CAGE1: variants seen among roughly 807,000 people sequenced by gnomAD.
The protein encoded by CAGE1 is cancer antigen 1.
Under a neutral mutation model 94.9 loss-of-function variants are expected in CAGE1, and 66 were observed. The ratio of observed to expected loss-of-function variants is 0.70; its 90% CI spans 0.57 to 0.85. The LOEUF is 0.85. Among genes scored for constraint, CAGE1 ranks in the 40% least tolerant of loss-of-function variants. The pLI is 0.00. For missense variants in CAGE1, 865 were observed against 950.4 expected (o/e 0.91, Z 1.18); for synonymous variants, 319 against 321.0 (o/e 0.99, Z 0.07).
intron 3 of CAGE1, among the ~76,000 whole-genome samples, chr6:7,380,506 G>T (rs1760896160): frequency 6.6e-6 from 1 of 151,932 alleles, no homozygotes; most frequent in Non-Finnish European, 1.5e-5. Flanking sequence ...GCGTGGTGGT[G>T]CACATCTGTA....
Position 7,326,776 on chromosome 6 carries a change from G to T in CAGE1, c.*82C>A. ...CAGATTTTAATATATCATCTGCATG[G>T]ATTGATTTGGCTAGCATATGTAGTA... On this transcript the variant is annotated 3_prime_UTR_variant, in exon 14 of 14. Transcript: ENST00000502583. 1.1e-6 allele frequency: 1 copy of T among 938,218 alleles called. No homozygotes were observed. Among genetic ancestry groups the T allele is most frequent in the East Asian group, 2.4e-5 (1 of 41,632 alleles). The allele number at this position is 938,218 out of a possible 1,614,324, so 58.1% of individuals were successfully genotyped here. A position where few individuals can be genotyped will look rare whatever the true frequency, so the allele number is the denominator to read the frequency against.
At position 7,326,784 on chromosome 6, in the gene CAGE1, T is replaced by A. The variant is rs1396703461; in HGVS notation, c.*74A>T. ...AATATATCATCTGCATGGATTGATT[T>A]GGCTAGCATATGTAGTAATGACTCT... On this transcript the variant is annotated 3_prime_UTR_variant, in exon 14 of 14. Transcript: ENST00000502583. The A allele has an allele frequency of 1.0e-6, 1 of 1,003,104 alleles. No individual in the cohort carries two copies. The highest frequency in any genetic ancestry group is 1.6e-6 in the Non-Finnish European group (1 of 628,920). 62.1% of individuals were successfully genotyped at this position (1,003,104 alleles called of 1,614,324 possible).
chr6:7,349,261 T>C (rs1759680341), intron 11 of CAGE1, among the ~76,000 whole-genome samples: 2 of 152,150 alleles, frequency 1.3e-5, no homozygotes, highest in African/African-American at 4.8e-5. Context: ...ATCTTCAGCC[T>C]CCTCAACCAA....
intron 11 of CAGE1, among the ~76,000 whole-genome samples, chr6:7,338,087 T>A (rs1486074518): frequency 1.3e-5 from 2 of 152,214 alleles, no homozygotes; most frequent in Non-Finnish European, 2.9e-5. Context: ...CTATCAGAAA[T>A]GTTTCTTAAT....
chr6:7,334,762 G>GA (rs1363713215), intron 11 of CAGE1, among the ~76,000 whole-genome samples: 24 of 120,242 alleles, frequency 2.0e-4, no homozygotes, highest in African/African-American at 6.5e-4. Flanking sequence ...GAAAATAAAA[G>GA]AAAAAAACCA....
rs533764628 is a variant in CAGE1 at position 7,363,769 on chromosome 6, C to T, written c.2193+1699G>A. Among the ~76,000 whole-genome samples, 4 of 152,280 alleles carry T rather than the reference C, an allele frequency of 2.6e-5. No individual in the cohort carries two copies. The East Asian group carries it at 7.7e-4, about 29-fold the overall frequency. On this transcript the variant is annotated intron_variant, in intron 9 of 13. Coordinates refer to ENST00000502583, the MANE Select transcript of CAGE1 (RefSeq NM_001170692.2). ...TGGGGTTGAGATTTATCGGTGTGTT[C>T]AAGTATTGGTCAATATGACTCATTC... is the stretch of plus-strand genomic sequence containing the variant.
chr6:7,334,315 AC>A (rs1269294502), intron 11 of CAGE1, among the ~76,000 whole-genome samples: 2 of 152,212 alleles, frequency 1.3e-5, no homozygotes, highest in Non-Finnish European at 2.9e-5. Flanking sequence ...AGGAAAGTAG[AC>A]AGTAGCAAAT....
At chr6:7,368,932 G>T in intron 6 of CAGE1, 134 bp from the exon 7 acceptor site, 1 of 569,670 alleles carries the variant, frequency 1.8e-6, no homozygotes, top group Non-Finnish European at 3.1e-6. Flanking sequence ...AAATCATATT[G>T]AACTCCATTC....
At chr6:7,342,135 ATCAC>A in intron 11 of CAGE1, 1 of 1,011,326 alleles carries the variant, frequency 9.9e-7, no homozygotes, top group Non-Finnish European at 1.6e-6. Context: ...CAGCTTCACA[ATCAC>A]TCAGTTGGGG....
chr6:7,328,674 T>A (rs974516312), intron 13 of CAGE1, among the ~76,000 whole-genome samples: 2 of 152,058 alleles, frequency 1.3e-5, no homozygotes, highest in African/African-American at 2.4e-5. Flanking sequence ...AAGGAATAAG[T>A]CCCAGTGTTC....
intron 11 of CAGE1, chr6:7,347,588 G>C (rs1210344358): frequency 1.1e-4 from 17 of 152,056 alleles, no homozygotes; most frequent in Admixed American, 1.1e-3. Flanking sequence ...ACGTGGGGGA[G>C]GGTGGGAAAT....
At chr6:7,364,298 C>T (rs1760255242) in intron 9 of CAGE1, among the ~76,000 whole-genome samples, 1 of 152,172 alleles carries the variant, frequency 6.6e-6, no homozygotes, top group Non-Finnish European at 1.5e-5. Flanking sequence ...AGCCATTGTA[C>T]CTCTTCTCTA....
rs747878969 is a variant in CAGE1, at chr6:7,374,107, G to C, written c.712C>G (p.Gln238Glu). ...ATCTCAGGAATCTCCCCATAATTCT[G>C]TATTTCTTTTGAAGGAACTGCAGTC... is the stretch of plus-strand genomic sequence containing the variant. ...CKTAVPSKEIQNYGEIPEMSV... is the reference protein window; with the variant it reads ...CKTAVPSKEIENYGEIPEMSV... Residue 238 changes from glutamine (Q) to glutamate (E), a missense_variant, in exon 5 of 14, where the codon CAG becomes GAG. By Grantham distance (29) the Gln-to-Glu change is conservative. Coordinates refer to ENST00000502583, the MANE Select transcript of CAGE1 (RefSeq NM_001170692.2). The C allele has an allele frequency of 2.5e-6, 4 of 1,612,558 alleles. No homozygotes were observed. The highest frequency in any genetic ancestry group is 3.4e-6 in the Non-Finnish European group (4 of 1,179,030).
At chr6:7,344,026 T>C (rs924709297) in intron 11 of CAGE1, among the ~76,000 whole-genome samples, 1 of 152,228 alleles carries the variant, frequency 6.6e-6, no homozygotes, top group African/African-American at 2.4e-5. Context: ...ACTTAAGTGT[T>C]AGAAAGTGGT....
At chr6:7,356,980 C>T (rs1008935303) in intron 9 of CAGE1, among the ~76,000 whole-genome samples, 7 of 151,664 alleles carry the variant, frequency 4.6e-5, no homozygotes, top group African/African-American at 1.7e-4. Flanking sequence ...TATTTTTAGT[C>T]GAGATGGGGT....
chr6:7,329,865 G>A lies in CAGE1; in HGVS notation c.2462C>T (p.Pro821Leu), dbSNP rs142647100. The A allele has an allele frequency of 4.4e-5, 64 of 1,458,374 alleles. 1 individual carries two copies. The highest frequency in any genetic ancestry group is 3.7e-4 in the Admixed American group (20 of 54,524). The allele number at this position is 1,458,374 out of a possible 1,614,324, so 90.3% of individuals were successfully genotyped here. The change falls in exon 13 of 14, where the codon CCG becomes CTG. Residue 821 changes from proline (P) to leucine (L), a missense_variant. By Grantham distance (98) the Pro-to-Leu change is moderately conservative. Coordinates refer to ENST00000502583, the MANE Select transcript of CAGE1 (RefSeq NM_001170692.2). ...GTGACCTACCATGGTCATGGACTTC[G>A]GATGATTTTCTAAGCTTTTTGATCT... ...KPRSKSLENHPKSMTMMPALF... is the reference protein window; with the variant it reads ...KPRSKSLENHLKSMTMMPALF...
rs188475258 is a variant in CAGE1 at position 7,365,413 on chromosome 6, G to A, written c.2193+55C>T. 9.5e-4 allele frequency: 1,336 copies of A among 1,409,906 alleles called. 12 individuals carry two copies. The highest frequency in any genetic ancestry group is 1.1e-4 in the Non-Finnish European group (116 of 1,018,786). 87.3% of individuals were successfully genotyped at this position (1,409,906 alleles called of 1,614,324 possible). A position where few individuals can be genotyped will look rare whatever the true frequency, so the allele number is the denominator to read the frequency against. ...GGATGATAACTTCTTAAACTTGCTA[G>A]TAAAATAATGTTGTGTATAAAAATA... On this transcript the variant is annotated intron_variant, in intron 9 of 13. Transcript: ENST00000502583.
chr6:7,343,934 TG>T (rs1227180941), intron 11 of CAGE1, among the ~76,000 whole-genome samples: 2 of 152,126 alleles, frequency 1.3e-5, no homozygotes, highest in Non-Finnish European at 2.9e-5. Context: ...AAGGAAGAAA[TG>T]GGATAGATTC....
At chr6:7,370,483 T>TG (rs543511185) in intron 5 of CAGE1, among the ~76,000 whole-genome samples, 14 of 152,122 alleles carry the variant, frequency 9.2e-5, no homozygotes, top group South Asian at 8.3e-4. Flanking sequence ...TTTGTAGAGA[T>TG]GGGGGGTCTC....
Sources: allele counts gnomAD v4.1 joint callset (sites outside exome capture counted in the v4.1 genomes callset), GRCh38; gene constraint gnomAD v4.1.1; transcripts MANE v1.5; gene names NCBI Gene and HGNC (gene_info 2026-07-23, HGNC 2026-07-21).